Variants in ARSG observed in about 807,000 individuals in gnomAD.
The protein encoded by ARSG is arylsulfatase G, also known as ASG.
A neutral mutation model predicts 50.5 loss-of-function variants in ARSG; 37 were observed. That is an observed-to-expected ratio of 0.73 (90% CI 0.56 to 0.96). The LOEUF (loss-of-function observed/expected upper bound fraction) is 0.96. ARSG is among the 50% of genes least tolerant of loss of function. ARSG has a pLI of 0.00. For synonymous variants in ARSG, 225 were observed against 254.6 expected, an observed-to-expected ratio of 0.88 and a Z score of 1.11; for missense variants, 629 against 675.3, an observed-to-expected ratio of 0.93 and a Z score of 0.76.
intron 1 of ARSG, among the ~76,000 whole-genome samples, chr17:68,284,228 C>T (rs895694857): frequency 2.6e-5 from 4 of 151,738 alleles, no homozygotes; most frequent in Non-Finnish European, 4.4e-5. Context: ...TGGTGAAACC[C>T]GGTGTCTGCT....
chr17:68,268,916 T>TAAAACAAAAC (rs200861671), intron 1 of ARSG: 9 of 1,425,346 alleles, frequency 6.3e-6, no homozygotes, highest in African/African-American at 1.4e-5. Context: ...AAAAAAAGCT[T>TAAAACAAAAC]AAAACAAAAC....
intron 1 of ARSG, chr17:68,274,272 C>T (rs550644952): frequency 3.9e-5 from 18 of 458,102 alleles, no homozygotes; most frequent in African/African-American, 2.9e-4. Flanking sequence ...TCAAGACTAG[C>T]CCGGGCAACA....
upstream of ARSG, among the ~76,000 whole-genome samples, chr17:68,290,055 A>G (rs536556242): frequency 8.5e-5 from 13 of 152,286 alleles, no homozygotes; most frequent in African/African-American, 3.1e-4. Flanking sequence ...CATCTTTTTT[A>G]CAAGCAAGAC....
the ARSG span, among the ~76,000 whole-genome samples, chr17:68,446,740 G>C: frequency 8.5e-5 from 13 of 152,250 alleles, no homozygotes; most frequent in African/African-American, 3.1e-4. Context: ...CTGGGATAGC[G>C]GGGCCTTGAC....
intron 11 of ARSG, 26 bp from the exon 12 acceptor site, chr17:68,420,163 G>A: frequency 6.2e-7 from 1 of 1,610,986 alleles, no homozygotes; most frequent in Non-Finnish European, 8.5e-7. Context: ...GGGTTAGCGA[G>A]GCATTTGTTG....
In ARSG at chr17:68,366,943, A is replaced by G. The variant is rs565759712; in HGVS notation, c.705-1605A>G. On this transcript the variant is annotated intron_variant, in intron 6 of 11. Coordinates refer to ENST00000621439, the MANE Select transcript of ARSG (RefSeq NM_001267727.2). The stretch of plus-strand genomic sequence containing the variant: ...CCACTCACCATCCTACCTTCTCTCT[A>G]TGAATTTGACTATTATGGGTACCTC... 2.4e-4 allele frequency among the ~76,000 whole-genome samples: 37 copies of G among 152,094 alleles called. 2 individuals are homozygous for G. In the South Asian group the frequency reaches 7.1e-3, roughly 29 times the overall value.
chr17:68,336,886 GAAAA>G lies in ARSG; in HGVS notation c.219-6716_219-6713del, dbSNP rs1346103689. On this transcript the variant is annotated intron_variant, in intron 2 of 11. Coordinates refer to ENST00000621439, the MANE Select transcript of ARSG (RefSeq NM_001267727.2). ...AATAAATAAATAAACAAATAAATAA[GAAAA>G]AGAAAGAAAAATATTTGTACTAGTG... 7.2e-5 allele frequency among the ~76,000 whole-genome samples: 11 copies of G among 152,158 alleles called. No homozygotes were observed. In the East Asian group the frequency reaches 2.1e-3, roughly 29 times the overall value.
chr17:68,356,588 A>G (rs1051101117), intron 5 of ARSG, 79 bp from the exon 6 acceptor site: 45 of 1,518,462 alleles, frequency 3.0e-5, no homozygotes, highest in Non-Finnish European at 4.0e-5. Flanking sequence ...GTGCATATGC[A>G]TTGTTGCATT....
At position 68,378,246 on chromosome 17, in the gene ARSG, C is replaced by T. The variant is rs564487492; in HGVS notation, c.983-6818C>T. 1.4e-4 allele frequency among the ~76,000 whole-genome samples: 21 copies of T among 152,318 alleles called. No homozygotes were observed. The highest frequency in any genetic ancestry group is 3.6e-4 in the African/African-American group (15 of 41,574). On this transcript the variant is annotated intron_variant, in intron 8 of 11. Coordinates refer to ENST00000621439, the MANE Select transcript of ARSG (RefSeq NM_001267727.2). This position sits in a 1 kb window ranked among gnomAD's most constrained non-coding sequence, Gnocchi z 4.4. ...TCAAGAGCAGATGAAAGAGAGAAGG[C>T]GGTCAATGTTTTCGCAACGGAGTAG...
intron 1 of ARSG, among the ~76,000 whole-genome samples, chr17:68,266,625 C>T (rs1251871713): frequency 6.6e-6 from 1 of 151,388 alleles, no homozygotes; most frequent in Non-Finnish European, 1.5e-5. Flanking sequence ...ACCTGGCCAA[C>T]ATGGTGAAAC....
chr17:68,276,250 C>CA (rs1307290927), intron 1 of ARSG, among the ~76,000 whole-genome samples: 2 of 151,430 alleles, frequency 1.3e-5, no homozygotes, highest in African/African-American at 4.9e-5. Flanking sequence ...CCCACCACCA[C>CA]ACCCGGCTAA....
the ARSG span, chr17:68,436,361 G>C: frequency 1.9e-6 from 3 of 1,610,972 alleles, no homozygotes; most frequent in Non-Finnish European, 2.5e-6. Flanking sequence ...GGTTGGCTCA[G>C]CCAGGTCACC....
intron 5 of ARSG, among the ~76,000 whole-genome samples, chr17:68,352,095 GAGA>G (rs1253993029): frequency 1.6e-5 from 2 of 126,630 alleles, no homozygotes; most frequent in African/African-American, 5.9e-5. Context: ...AGAGGAGAGA[GAGA>G]GAGAGAGAGA....
chr17:68,298,147 A>G (rs949492281), intron 1 of ARSG, among the ~76,000 whole-genome samples: 2 of 152,170 alleles, frequency 1.3e-5, no homozygotes, highest in Non-Finnish European at 2.9e-5. Flanking sequence ...TCAAAAGTCA[A>G]TTCCCCAAAA....
chr17:68,277,422 G>A (rs1473894578), intron 1 of ARSG, among the ~76,000 whole-genome samples: 4 of 151,034 alleles, frequency 2.6e-5, no homozygotes, highest in Non-Finnish European at 5.9e-5. Flanking sequence ...GAGCCACCGC[G>A]CCCGGCCGCA....
intron 6 of ARSG, chr17:68,359,919 C>T (rs2079202302): frequency 6.6e-6 from 1 of 152,360 alleles, no homozygotes; most frequent in Non-Finnish European, 1.5e-5. Flanking sequence ...GGTTGAGCGT[C>T]TCCCAGCTCC....
chr17:68,339,564 A>G (rs1021554392), intron 2 of ARSG, among the ~76,000 whole-genome samples: 9 of 152,080 alleles, frequency 5.9e-5, no homozygotes, highest in Non-Finnish European at 1.3e-4. Context: ...CCCCAATCCC[A>G]TTTTATCCCA....
At chr17:68,413,724 CT>C in intron 11 of ARSG, 1 of 160,122 alleles carries the variant, frequency 6.2e-6, no homozygotes, top group Non-Finnish European at 1.4e-5. Flanking sequence ...TCGCTGCCGC[CT>C]TGCAGTTTGA....
intron 2 of ARSG, among the ~76,000 whole-genome samples, 187 bp downstream of exon 2, chr17:68,307,898 CATCT>C (rs1347942247): frequency 6.6e-6 from 1 of 151,620 alleles, no homozygotes; most frequent in Non-Finnish European, 1.5e-5. Context: ...AGCACCCATC[CATCT>C]ATCTAGTAAC....
Sources: gnomAD v4.1 joint callset for allele counts (sites outside exome capture counted in the v4.1 genomes callset) on GRCh38, gnomAD v4.1.1 for gene constraint, Gnocchi (gnomAD v3.1) non-coding constraint, MANE v1.5 for transcripts, NCBI Gene and HGNC (gene_info 2026-07-23, HGNC 2026-07-21) for gene names.